The following ADAMTS6 variants were observed in gnomAD, a reference collection of about 807,000 sequenced individuals.
ADAMTS6 encodes ADAM metallopeptidase with thrombospondin type 1 motif 6, also known as A disintegrin and metalloproteinase with thrombospondin motifs 6.
In ADAMTS6, 23 loss-of-function variants were observed where a neutral mutation model predicts 144.3. The ratio of observed to expected loss-of-function variants is 0.16; its 90% CI spans 0.11 to 0.23. The LOEUF (loss-of-function observed/expected upper bound fraction) is 0.23, where lower values mean the gene tolerates loss of function less well. Ranked by LOEUF, ADAMTS6 falls within the 10% of genes least tolerant of loss-of-function variation. The pLI is 1.00. For missense variants in ADAMTS6, 999 were observed against 1,379.6 expected, an observed-to-expected ratio of 0.72 and a Z score of 4.37; for synonymous variants, 444 against 457.5, an observed-to-expected ratio of 0.97 and a Z score of 0.38.
intron 11 of ADAMTS6, among the ~76,000 whole-genome samples, chr5:65,282,578 G>A (rs1427099715): frequency 5.9e-5 from 9 of 152,024 alleles, no homozygotes; most frequent in Non-Finnish European, 1.2e-4. Flanking sequence ...CTACAGGGCC[G>A]CTTCAACATA....
chr5:65,275,391 GAAAGAAAGAAAGAAAGAAAGAAAGA>G lies in ADAMTS6; in HGVS notation c.1513-1969_1513-1945del, dbSNP rs1561364196. On this transcript the variant is annotated intron_variant, in intron 11 of 24. Transcript: ENST00000381055. ...AGAAAGAAAGAAAGAAAGAAAGAAA[GAAAGAAAGAAAGAAAGAAAGAAAGA>G]AAAGAAAGAAAGAAAGAAAAGAAAA... Among the ~76,000 whole-genome samples the G allele has an allele frequency of 3.9e-4, 52 of 133,100 alleles. 1 individual carries two copies. The highest frequency in any genetic ancestry group is 2.7e-3 in the South Asian group (11 of 4,122). 87.3% of individuals were successfully genotyped at this position (133,100 alleles called of 152,430 possible).
At chr5:65,286,894 G>C (rs1192359121) in intron 11 of ADAMTS6, among the ~76,000 whole-genome samples, 4 of 152,060 alleles carry the variant, frequency 2.6e-5, no homozygotes, top group Non-Finnish European at 5.9e-5. Context: ...TTCAGTTTTT[G>C]TAATTCTTTT....
intron 14 of ADAMTS6, among the ~76,000 whole-genome samples, chr5:65,257,611 A>T (rs1365740011): frequency 6.6e-6 from 1 of 152,142 alleles, no homozygotes. Flanking sequence ...ATTCTCATCT[A>T]AAGCATCAAT....
intron 21 of ADAMTS6, among the ~76,000 whole-genome samples, chr5:65,196,763 A>G (rs953892523): frequency 4.6e-5 from 7 of 152,108 alleles, no homozygotes; most frequent in Non-Finnish European, 7.4e-5. Flanking sequence ...AATTGATGAA[A>G]TATGATCATT....
chr5:65,163,414 T>C (rs1311182000), intron 24 of ADAMTS6, among the ~76,000 whole-genome samples: 2 of 152,222 alleles, frequency 1.3e-5, no homozygotes, highest in South Asian at 2.1e-4. Flanking sequence ...CATAGGGTTA[T>C]ACATTTTGAA....
At chr5:65,156,990 C>G (rs574230598) in intron 24 of ADAMTS6, among the ~76,000 whole-genome samples, 1 of 152,308 alleles carries the variant, frequency 6.6e-6, no homozygotes, top group Non-Finnish European at 1.5e-5. Context: ...TACACTTTAC[C>G]CAGGACTAGA....
rs184739974 is a variant in ADAMTS6 at position 65,409,304 on chromosome 5, A to C, written c.1073+42171T>G. 2.6e-4 allele frequency among the ~76,000 whole-genome samples: 39 copies of C among 151,638 alleles called. No homozygotes were observed. The East Asian group carries it at 7.3e-3, about 29-fold the overall frequency. On this transcript the variant is annotated intron_variant, in intron 7 of 24. Transcript: ENST00000381055. ...AAGAATCAAATAGACGCAATAAAAA[A>C]TGATAAAGGGGATATCACCACTGAT...
At chr5:65,379,998 T>C (rs1043083382) in intron 7 of ADAMTS6, among the ~76,000 whole-genome samples, 2 of 152,150 alleles carry the variant, frequency 1.3e-5, no homozygotes, top group African/African-American at 4.8e-5. Context: ...TCTTACTGAC[T>C]CATGACGACT....
Position 65,188,366 on chromosome 5 carries a change from CT to C in ADAMTS6, c.2706-147del, listed in dbSNP as rs1212042687. On this transcript the variant is annotated intron_variant, in intron 21 of 24. Transcript: ENST00000381055. ...AGACAAATGGCAAATGAAAGAGCTGCTAAGGAAAAGACCTTTACTGTCATTT... is the reference window on the plus strand; with the variant it reads ...AGACAAATGGCAAATGAAAGAGCTGCAAGGAAAAGACCTTTACTGTCATTT... 2.3e-5 allele frequency: 18 copies of C among 775,796 alleles called. No homozygotes were observed. In the Admixed American group the frequency reaches 4.2e-4, roughly 18 times the overall value. 48.1% of individuals were successfully genotyped at this position (775,796 alleles called of 1,614,324 possible). A position where few individuals can be genotyped will look rare whatever the true frequency, so the allele number is the denominator to read the frequency against.
intron 8 of ADAMTS6, 25 bp downstream of exon 8, chr5:65,334,017 A>ACC: frequency 2.1e-6 from 3 of 1,424,494 alleles, no homozygotes; most frequent in Non-Finnish European, 2.8e-6. Flanking sequence ...AAAAAAAAAA[A>ACC]AAAAAAAAAC....
intron 21 of ADAMTS6, among the ~76,000 whole-genome samples, chr5:65,196,645 T>C (rs1057507924): frequency 6.6e-5 from 10 of 151,816 alleles, no homozygotes; most frequent in African/African-American, 2.4e-4. Flanking sequence ...TTTTTTTATG[T>C]GCCATTAAGA....
At chr5:65,181,122 C>G (rs953454024) in intron 22 of ADAMTS6, among the ~76,000 whole-genome samples, 2 of 152,178 alleles carry the variant, frequency 1.3e-5, no homozygotes, top group Non-Finnish European at 2.9e-5. Context: ...AATACTAATT[C>G]TTACTAAGTG....
rs1196742399 is a variant in ADAMTS6, at chr5:65,150,143, T to C, written c.*1693A>G. 6.6e-6 allele frequency: 1 copy of C among 152,416 alleles called. No individual in the cohort carries two copies. 9.4% of individuals were successfully genotyped at this position (152,416 alleles called of 1,614,324 possible). On this transcript the variant is annotated 3_prime_UTR_variant, in exon 25 of 25. Coordinates refer to ENST00000381055, the MANE Select transcript of ADAMTS6 (RefSeq NM_197941.4). ...TCATGATATATGTGATGCACTGACA[T>C]GTAATTTAAGAGCACCATGATGGAA...
In ADAMTS6 at chr5:65,298,635, G is replaced by A. The variant is rs543727268; in HGVS notation, c.1370+1350C>T. Among the ~76,000 whole-genome samples, 19 of 152,080 alleles carry A rather than the reference G, an allele frequency of 1.2e-4. 1 individual carries two copies. The highest frequency in any genetic ancestry group is 4.6e-4 in the African/African-American group (19 of 41,490). ...AGCACTTCAATCAGTTTTCACTGTA[G>A]GCAAGTATAATCTTATAATTTTCTG... On this transcript the variant is annotated intron_variant, in intron 10 of 24. Coordinates refer to ENST00000381055, the MANE Select transcript of ADAMTS6 (RefSeq NM_197941.4).
intron 14 of ADAMTS6, chr5:65,251,457 C>A (rs1760149641): frequency 6.6e-6 from 1 of 152,206 alleles, no homozygotes; most frequent in Non-Finnish European, 1.5e-5. Context: ...CAAATTTTAT[C>A]CAGTTCTCCT....
intron 7 of ADAMTS6, among the ~76,000 whole-genome samples, chr5:65,420,332 C>T (rs926299694): frequency 6.6e-6 from 1 of 152,100 alleles, no homozygotes; most frequent in Admixed American, 6.6e-5. Context: ...AATACTGAAA[C>T]CACTGAATTG....
intron 7 of ADAMTS6, among the ~76,000 whole-genome samples, chr5:65,335,008 G>C (rs188000610): frequency 1.2e-3 from 187 of 152,174 alleles, no homozygotes; most frequent in African/African-American, 4.5e-3. Flanking sequence ...ACAAACTACA[G>C]GGAAATTCAA....
At chr5:65,391,817 C>T (rs1472635638) in intron 7 of ADAMTS6, among the ~76,000 whole-genome samples, 1 of 151,572 alleles carries the variant, frequency 6.6e-6, no homozygotes. Flanking sequence ...CTCACTGCAA[C>T]ATCTGCCTCC....
chr5:65,343,603 G>A (rs538001009), intron 7 of ADAMTS6, among the ~76,000 whole-genome samples: 7 of 151,916 alleles, frequency 4.6e-5, no homozygotes, highest in African/African-American at 1.2e-4. Flanking sequence ...AGAAGAAAAC[G>A]TAGGGGAAAT....
Sources: allele counts gnomAD v4.1 joint callset (sites outside exome capture counted in the v4.1 genomes callset), GRCh38; gene constraint gnomAD v4.1.1; transcripts MANE v1.5; gene names NCBI Gene and HGNC (gene_info 2026-07-23, HGNC 2026-07-21).